The following PLCB1 variants were observed in gnomAD, a reference collection of about 807,000 sequenced individuals.
The protein encoded by PLCB1 is phospholipase C beta 1, also known as 1-phosphatidylinositol 4,5-bisphosphate phosphodiesterase beta-1.
A neutral mutation model predicts 161.8 loss-of-function variants in PLCB1; 46 were observed. That is an observed-to-expected ratio of 0.28 (90% confidence interval 0.22 to 0.36). The LOEUF (loss-of-function observed/expected upper bound fraction) is 0.36. PLCB1 is among the 10% of genes least tolerant of loss of function. PLCB1 has a pLI of 1.00. For missense variants in PLCB1, 1,016 were observed against 1,472.5 expected (o/e 0.69, Z 5.07); for synonymous variants, 517 against 503.7 (o/e 1.03, Z -0.35).
At chr20:8,722,763 C>G (rs1159217547) in intron 15 of PLCB1, among the ~76,000 whole-genome samples, 1 of 152,084 alleles carries the variant, frequency 6.6e-6, no homozygotes, top group Non-Finnish European at 1.5e-5. Flanking sequence ...AGCAGATCAA[C>G]TGGAATTTTA....
intron 3 of PLCB1, among the ~76,000 whole-genome samples, chr20:8,543,310 C>T (rs757508484): frequency 2.6e-4 from 39 of 152,106 alleles, no homozygotes; most frequent in African/African-American, 6.5e-4. Context: ...ATTTGAAGGA[C>T]GTGGGCTTTT....
intron 2 of PLCB1, among the ~76,000 whole-genome samples, chr20:8,323,976 G>A (rs1377342125): frequency 1.3e-5 from 2 of 152,080 alleles, no homozygotes; most frequent in African/African-American, 4.8e-5. Flanking sequence ...CTAGAGGGAA[G>A]AGTTAAGTGA....
intron 11 of PLCB1, among the ~76,000 whole-genome samples, chr20:8,698,532 A>G (rs1041813115): frequency 6.6e-6 from 1 of 152,292 alleles, no homozygotes; most frequent in African/African-American, 2.4e-5. Context: ...CTGTGATGCT[A>G]TCTTTTGGAA....
intron 2 of PLCB1, among the ~76,000 whole-genome samples, chr20:8,229,348 T>TGG (rs1411937773): frequency 1.3e-5 from 2 of 152,190 alleles, no homozygotes; most frequent in Non-Finnish European, 2.9e-5. Context: ...CAACTTGCTC[T>TGG]GTAAGTTCCC....
intron 2 of PLCB1, among the ~76,000 whole-genome samples, chr20:8,213,516 A>T (rs1416629029): frequency 6.6e-6 from 1 of 152,134 alleles, no homozygotes; most frequent in Admixed American, 6.6e-5. Flanking sequence ...TTGAAGTTAT[A>T]AGGCCCAGTG....
chr20:8,301,984 C>G (rs961542195), intron 2 of PLCB1, among the ~76,000 whole-genome samples: 4 of 152,166 alleles, frequency 2.6e-5, no homozygotes, highest in Non-Finnish European at 5.9e-5. Context: ...TGCTTCATAC[C>G]TAAGATAGAA....
At chr20:8,152,151 C>T (rs2051515245) in intron 2 of PLCB1, among the ~76,000 whole-genome samples, 3 of 152,126 alleles carry the variant, frequency 2.0e-5, no homozygotes, top group Admixed American at 6.6e-5. Context: ...ATTACTCTTA[C>T]AGTTCTAGCC....
intron 2 of PLCB1, among the ~76,000 whole-genome samples, chr20:8,358,437 G>T (rs984698190): frequency 7.2e-5 from 11 of 151,982 alleles, no homozygotes; most frequent in African/African-American, 2.4e-4. Flanking sequence ...TTTTTGTACA[G>T]ATGGGGTTTC....
chr20:8,849,473 C>T lies in PLCB1; in HGVS notation c.3424-32149C>T, dbSNP rs144314503. Reference sequence around the variant, plus strand: ...GGCAGATCACCTGAGGTCAGGAGTTCGAGACTAGCCTGGCCAACATGGCAA... The same window carrying T: ...GGCAGATCACCTGAGGTCAGGAGTTTGAGACTAGCCTGGCCAACATGGCAA... On this transcript the variant is annotated intron_variant, in intron 31 of 31. Transcript: ENST00000338037. 5.2e-3 allele frequency among the ~76,000 whole-genome samples: 791 copies of T among 150,840 alleles called. 5 individuals are homozygous for T. The highest frequency in any genetic ancestry group is 0.018 in the African/African-American group (753 of 41,018).
intron 31 of PLCB1, among the ~76,000 whole-genome samples, chr20:8,879,615 G>GA (rs1005971922): frequency 1.5e-5 from 2 of 130,146 alleles, no homozygotes; most frequent in Non-Finnish European, 3.3e-5. Context: ...AAAAGAAAAA[G>GA]AAAAAAAGGA....
Position 8,132,714 on chromosome 20 carries a change from C to A in PLCB1, c.63C>A (p.Ser21Arg), listed in dbSNP as rs1256957868. ...LQLKPVCVSD[S>R]LKKGTKFVKW... ...TCAAGCCCGTGTGCGTGTCCGACAG[C>A]CTCAAGAAGGGCACCAAATTCGTCA... The change falls in exon 1 of 32, where the codon AGC becomes AGA. Residue 21 changes from serine (S) to arginine (R), a missense_variant. Physicochemically the swap from Ser to Arg is moderately radical, Grantham distance 110. Transcript: ENST00000338037. This position sits in a 1 kb window ranked among gnomAD's most constrained non-coding sequence, Gnocchi z 5.2. 1.2e-6 allele frequency: 2 copies of A among 1,612,932 alleles called. No individual in the cohort carries two copies. Among genetic ancestry groups the A allele is most frequent in the South Asian group, 2.2e-5 (2 of 91,032 alleles).
At chr20:8,491,360 A>T (rs1449169320) in intron 3 of PLCB1, among the ~76,000 whole-genome samples, 1 of 151,870 alleles carries the variant, frequency 6.6e-6, no homozygotes, top group Non-Finnish European at 1.5e-5. Context: ...TATGAGTTTA[A>T]ATTTATTCTC....
chr20:8,740,612 G>T (rs1303551400), intron 22 of PLCB1, among the ~76,000 whole-genome samples, 164 bp downstream of exon 22: 1 of 152,162 alleles, frequency 6.6e-6, no homozygotes, highest in Non-Finnish European at 1.5e-5. Flanking sequence ...TAAATTGCTT[G>T]AGCCATTGTG....
At chr20:8,176,500 G>T (rs776407837) in intron 2 of PLCB1, among the ~76,000 whole-genome samples, 14 of 152,190 alleles carry the variant, frequency 9.2e-5, no homozygotes, top group Non-Finnish European at 1.3e-4. Context: ...CAGGGAGGGA[G>T]GCTGCTGTAG....
At chr20:8,274,501 A>G (rs780896980) in intron 2 of PLCB1, among the ~76,000 whole-genome samples, 2 of 151,016 alleles carry the variant, frequency 1.3e-5, no homozygotes, top group Non-Finnish European at 3.0e-5. Context: ...TACACTGTGT[A>G]TCTCTAAAAC....
intron 3 of PLCB1, among the ~76,000 whole-genome samples, chr20:8,568,927 T>C (rs1327037707): frequency 6.6e-6 from 1 of 152,190 alleles, no homozygotes; most frequent in Non-Finnish European, 1.5e-5. Context: ...CAGGTTACTA[T>C]TGTGGACAAC....
At chr20:8,856,032 C>A (rs1987055000) in intron 31 of PLCB1, among the ~76,000 whole-genome samples, 1 of 152,064 alleles carries the variant, frequency 6.6e-6, no homozygotes, top group African/African-American at 2.4e-5. Flanking sequence ...CCATATACAC[C>A]ACAAAAACTA....
At chr20:8,447,568 G>A (rs925766436) in intron 3 of PLCB1, among the ~76,000 whole-genome samples, 6 of 152,146 alleles carry the variant, frequency 3.9e-5, no homozygotes, top group African/African-American at 7.2e-5. Flanking sequence ...AGAGTAGGCC[G>A]CTTTCAAAAT....
intron 20 of PLCB1, among the ~76,000 whole-genome samples, chr20:8,738,129 A>G (rs1472492744): frequency 6.6e-6 from 1 of 152,240 alleles, no homozygotes; most frequent in Admixed American, 6.5e-5. Context: ...TTACTGTGGG[A>G]ATTTACAAAT....
Sources: gnomAD v4.1 joint callset for allele counts (sites outside exome capture counted in the v4.1 genomes callset) on GRCh38, gnomAD v4.1.1 for gene constraint, Gnocchi (gnomAD v3.1) non-coding constraint, MANE v1.5 for transcripts, NCBI Gene and HGNC (gene_info 2026-07-23, HGNC 2026-07-21) for gene names.